Variants in TRPM3 observed in about 807,000 individuals in gnomAD.
TRPM3 encodes the protein transient receptor potential cation channel subfamily M member 3, also known as long transient receptor potential channel 3.
In TRPM3, 77 loss-of-function variants were observed where a neutral mutation model predicts 181.2. The observed-to-expected ratio is 0.42, with a 90% CI of 0.35 to 0.51. The LOEUF (loss-of-function observed/expected upper bound fraction) is 0.51, where lower values mean the gene tolerates loss of function less well. Among genes scored for constraint, TRPM3 ranks in the 20% least tolerant of loss-of-function variants. TRPM3 has a pLI of 0.01. For synonymous variants in TRPM3, 745 were observed against 796.4 expected, an observed-to-expected ratio of 0.94 and a Z score of 1.09; for missense variants, 1,759 against 2,196.7, an observed-to-expected ratio of 0.80 and a Z score of 3.98.
intron 1 of TRPM3, among the ~76,000 whole-genome samples, chr9:70,930,275 CTATT>C (rs1220388207): frequency 1.3e-5 from 2 of 152,114 alleles, no homozygotes; most frequent in Non-Finnish European, 2.9e-5. Context: ...TAAATGGTGG[CTATT>C]TATTATTATC....
chr9:70,701,622 A>G lies in TRPM3; in HGVS notation c.1273-20044T>C, dbSNP rs185766359. 1.8e-3 allele frequency among the ~76,000 whole-genome samples: 273 copies of G among 152,220 alleles called. 1 individual carries two copies. The highest frequency in any genetic ancestry group is 6.2e-3 in the African/African-American group (258 of 41,532). The stretch of plus-strand genomic sequence containing the variant: ...AGTTAAGGGATCTGTATTAGGGACC[A>G]TTTGATAAATTAGGGATTGCCATAT... On this transcript the variant is annotated intron_variant, in intron 8 of 25. Transcript: ENST00000677713.
chr9:71,383,833 G>A (rs1200905664), intron 1 of TRPM3, among the ~76,000 whole-genome samples: 1 of 152,158 alleles, frequency 6.6e-6, no homozygotes, highest in Non-Finnish European at 1.5e-5. Context: ...TAAGGCCAGT[G>A]TTTATTTCTA....
intron 1 of TRPM3, among the ~76,000 whole-genome samples, chr9:71,417,981 T>A (rs1195465789): frequency 1.3e-5 from 2 of 152,010 alleles, no homozygotes; most frequent in African/African-American, 4.8e-5. Flanking sequence ...AAACCTTTCT[T>A]TGGTGAGAAG....
intron 1 of TRPM3, among the ~76,000 whole-genome samples, chr9:71,090,219 T>C (rs2065971077): frequency 6.6e-6 from 1 of 152,074 alleles, no homozygotes; most frequent in African/African-American, 2.4e-5. Context: ...GTAAGAGGCA[T>C]TTCAAGCTTT....
chr9:71,442,623 AG>A (rs1282282426), intron 1 of TRPM3, among the ~76,000 whole-genome samples: 1 of 152,260 alleles, frequency 6.6e-6, no homozygotes, highest in Non-Finnish European at 1.5e-5. Flanking sequence ...ATTTAAATTA[AG>A]GTTAAAAAGG....
chr9:70,914,802 G>T (rs2133195753), intron 1 of TRPM3, among the ~76,000 whole-genome samples: 1 of 152,324 alleles, frequency 6.6e-6, no homozygotes, highest in South Asian at 2.1e-4. Context: ...AAGTGTCTCT[G>T]CCTAGTGATC....
chr9:70,595,632 C>T (rs1355788899), intron 21 of TRPM3, among the ~76,000 whole-genome samples: 2 of 152,110 alleles, frequency 1.3e-5, no homozygotes, highest in East Asian at 3.9e-4. Context: ...GAAAGCTTGT[C>T]CCCTCTGTCC....
chr9:70,847,760 T>A (rs2095040887), intron 3 of TRPM3, among the ~76,000 whole-genome samples: 1 of 152,198 alleles, frequency 6.6e-6, no homozygotes, highest in African/African-American at 2.4e-5. Flanking sequence ...CTCTGATTAT[T>A]TTTGAACACA....
In TRPM3 at chr9:70,632,422, T is replaced by C. The variant is rs551779112; in HGVS notation, c.1632+2789A>G. Reference sequence around the variant, plus strand: ...GGCCTTGTGACTCCTGTGACTACCATTGTTCATCTTTCTTGCTCTCCCATC... The same window carrying C: ...GGCCTTGTGACTCCTGTGACTACCACTGTTCATCTTTCTTGCTCTCCCATC... On this transcript the variant is annotated intron_variant, in intron 12 of 25. Transcript: ENST00000677713. 5.9e-5 allele frequency among the ~76,000 whole-genome samples: 9 copies of C among 152,316 alleles called. No individual in the cohort carries two copies. In the South Asian group the frequency reaches 1.9e-3, roughly 32 times the overall value.
intron 9 of TRPM3, among the ~76,000 whole-genome samples, chr9:70,647,213 C>G (rs1253637015): frequency 6.6e-6 from 1 of 151,954 alleles, no homozygotes; most frequent in Non-Finnish European, 1.5e-5. Flanking sequence ...CATTCATAAC[C>G]AAACCTGGCA....
At chr9:71,180,739 T>G (rs2077354905) in intron 1 of TRPM3, among the ~76,000 whole-genome samples, 1 of 152,166 alleles carries the variant, frequency 6.6e-6, no homozygotes, top group Non-Finnish European at 1.5e-5. Flanking sequence ...TCATATAAGA[T>G]TTCTCTTTGT....
chr9:71,108,353 T>C (rs1293892637), intron 1 of TRPM3, among the ~76,000 whole-genome samples: 1 of 152,184 alleles, frequency 6.6e-6, no homozygotes, highest in African/African-American at 2.4e-5. Flanking sequence ...AGGAAGTTCA[T>C]GCTAATTGAG....
rs78336764 is a variant in TRPM3, at chr9:71,368,645, G to T, written c.183+78008C>A. Among the ~76,000 whole-genome samples the T allele has an allele frequency of 5.2e-3, 794 of 152,312 alleles. 9 individuals are homozygous for T. The highest frequency in any genetic ancestry group is 0.018 in the African/African-American group (766 of 41,570). The stretch of plus-strand genomic sequence containing the variant: ...ATCTCCACCCTTAATAGAGTTGCAT[G>T]TAACAGCTTTAATGATTTACTAGTC... On this transcript the variant is annotated intron_variant, in intron 1 of 24. Coordinates refer to the TRPM3 transcript ENST00000357533.
At chr9:71,231,590 G>A (rs930682781) in intron 1 of TRPM3, among the ~76,000 whole-genome samples, 1 of 152,170 alleles carries the variant, frequency 6.6e-6, no homozygotes, top group African/African-American at 2.4e-5. Flanking sequence ...ATATGAAACT[G>A]TTAAACATAC....
chr9:71,140,413 G>A (rs2075027575), intron 1 of TRPM3, among the ~76,000 whole-genome samples: 1 of 152,094 alleles, frequency 6.6e-6, no homozygotes, highest in Non-Finnish European at 1.5e-5. Flanking sequence ...ATAGTGTGGG[G>A]TTTGAAAGTA....
At chr9:71,372,748 C>T (rs1037702293) in intron 1 of TRPM3, among the ~76,000 whole-genome samples, 4 of 152,028 alleles carry the variant, frequency 2.6e-5, no homozygotes, top group African/African-American at 4.8e-5. Context: ...GGGCTAAATA[C>T]CCCAATTCAA....
At chr9:70,959,354 TC>T (rs983373829) in intron 1 of TRPM3, among the ~76,000 whole-genome samples, 1 of 151,734 alleles carries the variant, frequency 6.6e-6, no homozygotes, top group Non-Finnish European at 1.5e-5. Context: ...CTTTGAAGTG[TC>T]CTCTGTGGGC....
intron 9 of TRPM3, among the ~76,000 whole-genome samples, chr9:70,643,770 T>C (rs1009847347): frequency 3.9e-5 from 6 of 152,244 alleles, no homozygotes; most frequent in Non-Finnish European, 7.3e-5. Context: ...CCCCACAGAT[T>C]CTAGTTTAAT....
At chr9:70,945,673 G>A (rs1422307293) in intron 1 of TRPM3, among the ~76,000 whole-genome samples, 1 of 152,142 alleles carries the variant, frequency 6.6e-6, no homozygotes, top group African/African-American at 2.4e-5. Context: ...AAAATAGTCA[G>A]CTGAAAACCT....
Sources: gnomAD v4.1 joint callset for allele counts (sites outside exome capture counted in the v4.1 genomes callset) on GRCh38, gnomAD v4.1.1 for gene constraint, MANE v1.5 for transcripts, NCBI Gene and HGNC (gene_info 2026-07-23, HGNC 2026-07-21) for gene names.